MEIS2: variants seen among roughly 807,000 people sequenced by gnomAD.
The protein encoded by MEIS2 is homeobox protein Meis2.
MEIS2 carries 9 observed loss-of-function variants against 58.6 expected under a neutral mutation model. The observed-to-expected ratio is 0.15, with a 90% CI of 0.09 to 0.27. MEIS2 has a LOEUF of 0.27. Among genes scored for constraint, MEIS2 ranks in the 10% least tolerant of loss-of-function variants. MEIS2 has a pLI of 1.00. For missense variants in MEIS2, 427 were observed against 635.0 expected, an observed-to-expected ratio of 0.67 and a Z score of 3.52; for synonymous variants, 221 against 228.4, an observed-to-expected ratio of 0.97 and a Z score of 0.29.
At chr15:37,079,568 T>C (rs1489908588) in intron 7 of MEIS2, among the ~76,000 whole-genome samples, 1 of 152,112 alleles carries the variant, frequency 6.6e-6, no homozygotes, top group African/African-American at 2.4e-5. Flanking sequence ...TTTATAACTA[T>C]AACATGTATT....
intron 8 of MEIS2, among the ~76,000 whole-genome samples, chr15:36,970,977 T>G (rs2059533771): frequency 6.6e-6 from 1 of 151,976 alleles, no homozygotes; most frequent in African/African-American, 2.4e-5. Context: ...CATCAACAGA[T>G]TAATAGATAA....
At chr15:37,097,602 A>AG (rs1376566732) in intron 2 of MEIS2, among the ~76,000 whole-genome samples, 2 of 152,222 alleles carry the variant, frequency 1.3e-5, no homozygotes, top group Non-Finnish European at 2.9e-5. Flanking sequence ...TCTCATCGGC[A>AG]GGAAACTTTC....
chr15:36,934,889 T>C (rs1032063241), intron 9 of MEIS2, among the ~76,000 whole-genome samples: 5 of 152,218 alleles, frequency 3.3e-5, no homozygotes, highest in African/African-American at 1.2e-4. Flanking sequence ...TTAGAATACA[T>C]TGTAAGTTGT....
chr15:36,986,641 G>T (rs2060101478), intron 8 of MEIS2, among the ~76,000 whole-genome samples: 1 of 152,192 alleles, frequency 6.6e-6, no homozygotes, highest in African/African-American at 2.4e-5. Flanking sequence ...AGCACTAGCT[G>T]GGTGGCTTCC....
At chr15:36,967,971 C>A (rs925037968) in intron 8 of MEIS2, among the ~76,000 whole-genome samples, 1 of 152,142 alleles carries the variant, frequency 6.6e-6, no homozygotes, top group East Asian at 1.9e-4. Context: ...TCTCTATTGC[C>A]GCTGCAATCA....
intron 8 of MEIS2, among the ~76,000 whole-genome samples, chr15:36,995,524 G>A (rs2060445117): frequency 6.6e-6 from 1 of 150,628 alleles, no homozygotes; most frequent in Admixed American, 6.6e-5. Flanking sequence ...AGTGATCTAA[G>A]ATTTAAAAAT....
intron 9 of MEIS2, among the ~76,000 whole-genome samples, chr15:36,945,629 A>G (rs541442435): frequency 6.6e-6 from 1 of 152,144 alleles, no homozygotes; most frequent in African/African-American, 2.4e-5. Context: ...CCAAATGGAA[A>G]CAGGTAAAGC....
At chr15:36,907,327 C>T (rs193089606) in intron 9 of MEIS2, among the ~76,000 whole-genome samples, 96 of 152,246 alleles carry the variant, frequency 6.3e-4, no homozygotes, top group Non-Finnish European at 1.2e-3. Flanking sequence ...TAGCACTTCA[C>T]CCAAAATGGT....
intron 6 of MEIS2, among the ~76,000 whole-genome samples, chr15:37,092,226 T>C (rs562555969): frequency 2.0e-4 from 31 of 152,376 alleles, no homozygotes; most frequent in African/African-American, 7.0e-4. Flanking sequence ...TTTTCTTTTC[T>C]AGACTTTTTC....
intron 8 of MEIS2, among the ~76,000 whole-genome samples, chr15:36,957,065 G>A (rs2059006548): frequency 6.6e-6 from 1 of 152,240 alleles, no homozygotes; most frequent in South Asian, 2.1e-4. Flanking sequence ...TCAGAGTAGT[G>A]ATCCCAATAG....
At chr15:36,916,823 A>G (rs1316240261) in intron 9 of MEIS2, among the ~76,000 whole-genome samples, 2 of 152,290 alleles carry the variant, frequency 1.3e-5, no homozygotes, top group African/African-American at 2.4e-5. Context: ...CTAGACACTA[A>G]ACTGAATGCA....
chr15:36,964,109 T>C (rs2059279926), intron 8 of MEIS2, among the ~76,000 whole-genome samples: 1 of 152,236 alleles, frequency 6.6e-6, no homozygotes, highest in African/African-American at 2.4e-5. Context: ...TTTTGTAAGA[T>C]AAATAACTTT....
At chr15:36,949,207 A>C (rs977150551) in intron 9 of MEIS2, among the ~76,000 whole-genome samples, 4 of 151,668 alleles carry the variant, frequency 2.6e-5, no homozygotes, top group African/African-American at 9.7e-5. Flanking sequence ...TGGGAAAAAA[A>C]AAAATTGCCT....
At chr15:36,995,990 T>TATATAC (rs2060494298) in intron 8 of MEIS2, among the ~76,000 whole-genome samples, 9 of 51,886 alleles carry the variant, frequency 1.7e-4, no homozygotes, top group African/African-American at 2.7e-4. Context: ...TATATATATA[T>TATATAC]ATATATATAT....
intron 7 of MEIS2, among the ~76,000 whole-genome samples, chr15:37,078,957 C>A (rs931154928): frequency 6.6e-6 from 1 of 151,924 alleles, no homozygotes; most frequent in African/African-American, 2.4e-5. Context: ...ATTATAGAAA[C>A]CTTTTAAGCA....
chr15:36,917,794 C>T (rs1055251502), intron 9 of MEIS2, among the ~76,000 whole-genome samples: 1 of 152,172 alleles, frequency 6.6e-6, no homozygotes, highest in Non-Finnish European at 1.5e-5. Context: ...CAAATTAACA[C>T]AATGGTGAGA....
At chr15:36,958,358 C>T (rs909627738) in intron 8 of MEIS2, among the ~76,000 whole-genome samples, 12 of 151,888 alleles carry the variant, frequency 7.9e-5, no homozygotes, top group African/African-American at 1.2e-4. Flanking sequence ...AATAGAAAAG[C>T]GGAGAAGGAA....
At chr15:37,028,526 G>A (rs1007935252) in intron 8 of MEIS2, among the ~76,000 whole-genome samples, 3 of 152,140 alleles carry the variant, frequency 2.0e-5, no homozygotes, top group Admixed American at 6.5e-5. Flanking sequence ...GATCCAACAC[G>A]ACATTAAATT....
chr15:37,022,316 CTTG>C (rs1000264426), intron 8 of MEIS2, among the ~76,000 whole-genome samples: 1 of 152,146 alleles, frequency 6.6e-6, no homozygotes, highest in Non-Finnish European at 1.5e-5. Context: ...ATAAAAATCT[CTTG>C]TTGTTGATTT....
Sources: gnomAD v4.1 joint callset for allele counts (sites outside exome capture counted in the v4.1 genomes callset) on GRCh38, gnomAD v4.1.1 for gene constraint, MANE v1.5 for transcripts, NCBI Gene and HGNC (gene_info 2026-07-23, HGNC 2026-07-21) for gene names.